Variants in EDARADD observed in about 807,000 individuals in gnomAD.
EDARADD encodes the protein EDAR associated via death domain, also known as ectodysplasin-A receptor-associated adapter protein.
A neutral mutation model predicts 25.6 loss-of-function variants in EDARADD; 20 were observed. The observed-to-expected ratio is 0.78, with a 90% CI of 0.55 to 1.14. The LOEUF (loss-of-function observed/expected upper bound fraction) is 1.14, where lower values mean the gene tolerates loss of function less well. Ranked by LOEUF, EDARADD falls within the 50% of genes most tolerant of loss-of-function variation. The pLI is 0.00. For missense variants in EDARADD, 225 were observed against 270.1 expected (o/e 0.83, Z 1.17); for synonymous variants, 86 against 94.4 (o/e 0.91, Z 0.52).
At chr1:236,464,576 G>A (rs1659137155) in intron 4 of EDARADD, among the ~76,000 whole-genome samples, 1 of 151,698 alleles carries the variant, frequency 6.6e-6, no homozygotes, top group South Asian at 2.1e-4. Context: ...AGGAACACAG[G>A]CGCTCACCAC....
rs1571964298 is a variant in EDARADD at position 236,483,299 on chromosome 1, G to A, written c.*650G>A. 6.2e-7 allele frequency: 1 copy of A among 1,600,116 alleles called. No homozygotes were observed. The highest frequency in any genetic ancestry group is 8.5e-7 in the Non-Finnish European group (1 of 1,169,904). On this transcript the variant is annotated 3_prime_UTR_variant, in exon 6 of 6. Coordinates refer to ENST00000334232, the MANE Select transcript of EDARADD (RefSeq NM_145861.4). ...GTGGTGCTTCAACTGGTATCTATGAGGTCCTAGAGCTCCAGGACAATGATA... is the reference window on the plus strand; with the variant it reads ...GTGGTGCTTCAACTGGTATCTATGAAGTCCTAGAGCTCCAGGACAATGATA...
At position 236,484,730 on chromosome 1, in the gene EDARADD, A is replaced by C; in HGVS notation, c.*2081A>C. The C allele has an allele frequency of 1.0e-5, 3 of 289,546 alleles. No homozygotes were observed. The highest frequency in any genetic ancestry group is 4.3e-5 in the South Asian group (1 of 23,442). 17.9% of individuals were successfully genotyped at this position (289,546 alleles called of 1,614,324 possible). A position where few individuals can be genotyped will look rare whatever the true frequency, so the allele number is the denominator to read the frequency against. ...CCAGAAAAAAAAAAAAAAAAAAAGA[A>C]CTTCTACAGAAGCCAAGCTCCCTGG... On this transcript the variant is annotated 3_prime_UTR_variant, in exon 6 of 6. Coordinates refer to ENST00000334232, the MANE Select transcript of EDARADD (RefSeq NM_145861.4). This position sits in a 1 kb window ranked among gnomAD's most constrained non-coding sequence, Gnocchi z 4.1.
intron 4 of EDARADD, among the ~76,000 whole-genome samples, chr1:236,452,500 C>CT (rs545570419): frequency 0.18 from 26,070 of 148,564 alleles, 2,388 homozygotes; most frequent in South Asian, 0.24. Context: ...GGCCGATCCC[C>CT]CCTCTCTCTC....
At position 236,355,500 on chromosome 1, in the gene EDARADD, C is replaced by CTTTTT. The variant is rs563976436; in HGVS notation, c.-6+4683_-6+4687dup. 8.3e-3 allele frequency among the ~76,000 whole-genome samples: 607 copies of CTTTTT among 73,182 alleles called. 35 individuals are homozygous for CTTTTT. Among genetic ancestry groups the CTTTTT allele is most frequent in the East Asian group, 0.017 (31 of 1,796 alleles). 48.0% of individuals were successfully genotyped at this position (73,182 alleles called of 152,430 possible). ...CACTCATTCTCTTCTGCTTCTTCTT[C>CTTTTT]TTTTTTTTTTTTTTTTTTTTTTTTT... On this transcript the variant is annotated intron_variant, in intron 3 of 7. Transcript: ENST00000439430.
In EDARADD at chr1:236,483,436, A is replaced by G; in HGVS notation, c.*787A>G. On this transcript the variant is annotated 3_prime_UTR_variant, in exon 6 of 6. Coordinates refer to ENST00000334232, the MANE Select transcript of EDARADD (RefSeq NM_145861.4). Reference sequence around the variant, plus strand: ...AACGTCACAGAACAAGAGAAGATTGACAAACTTATGATAGAGATGGATGGA... The same window carrying G: ...AACGTCACAGAACAAGAGAAGATTGGCAAACTTATGATAGAGATGGATGGA... The G allele has an allele frequency of 1.8e-6, 2 of 1,109,010 alleles. No individual in the cohort carries two copies. The highest frequency in any genetic ancestry group is 1.2e-5 in the South Asian group (1 of 81,000). 68.7% of individuals were successfully genotyped at this position (1,109,010 alleles called of 1,614,324 possible).
chr1:236,411,099 C>G (rs1272041435), intron 2 of EDARADD, among the ~76,000 whole-genome samples: 2 of 152,120 alleles, frequency 1.3e-5, no homozygotes, highest in African/African-American at 4.8e-5. Context: ...TTCCTGATAC[C>G]AGGTTTTCTT....
chr1:236,417,636 T>A (rs1454618281), intron 3 of EDARADD, among the ~76,000 whole-genome samples: 1 of 152,172 alleles, frequency 6.6e-6, no homozygotes, highest in East Asian at 1.9e-4. Context: ...CTGCGGGTAC[T>A]AAGAACTGGT....
chr1:236,454,401 C>T (rs1172392271), intron 4 of EDARADD, among the ~76,000 whole-genome samples: 1 of 152,162 alleles, frequency 6.6e-6, no homozygotes, highest in Non-Finnish European at 1.5e-5. Context: ...CCCTCACACA[C>T]CGCCTGCACC....
chr1:236,427,083 T>C (rs917159502), intron 3 of EDARADD, among the ~76,000 whole-genome samples: 1 of 152,170 alleles, frequency 6.6e-6, no homozygotes, highest in African/African-American at 2.4e-5. Context: ...GGTTTCTCCA[T>C]GTTGGTCAGG....
intron 3 of EDARADD, among the ~76,000 whole-genome samples, chr1:236,367,037 T>C (rs1558101853): frequency 7.0e-6 from 1 of 142,670 alleles, no homozygotes; most frequent in Non-Finnish European, 1.5e-5. Flanking sequence ...TGAGCCGAGA[T>C]TGTACCACTG....
chr1:236,456,037 C>A (rs1482392839), intron 4 of EDARADD, among the ~76,000 whole-genome samples: 2 of 152,164 alleles, frequency 1.3e-5, no homozygotes, highest in Non-Finnish European at 2.9e-5. Context: ...AATCCGCCCG[C>A]CTCGGCCTCC....
At chr1:236,409,296 A>G (rs757277070) in intron 2 of EDARADD, 22 bp downstream of exon 2, 1 of 1,574,196 alleles carries the variant, frequency 6.4e-7, no homozygotes, top group Admixed American at 1.7e-5. Context: ...ATTTTACACT[A>G]ATGGTGATAA....
Position 236,484,326 on chromosome 1 carries a change from C to A in EDARADD, c.*1677C>A. 1.6e-6 allele frequency: 2 copies of A among 1,251,918 alleles called. No individual in the cohort carries two copies. The highest frequency in any genetic ancestry group is 2.4e-6 in the Non-Finnish European group (2 of 850,726). 77.6% of individuals were successfully genotyped at this position (1,251,918 alleles called of 1,614,324 possible). A position where few individuals can be genotyped will look rare whatever the true frequency, so the allele number is the denominator to read the frequency against. ...CTTCATCACTGACCTGGTGGTGGGG[C>A]TGTGACCTGGGCAGCTCAAGACTGG... On this transcript the variant is annotated 3_prime_UTR_variant, in exon 6 of 6. Coordinates refer to ENST00000334232, the MANE Select transcript of EDARADD (RefSeq NM_145861.4). This position sits in a 1 kb window ranked among gnomAD's most constrained non-coding sequence, Gnocchi z 4.1.
chr1:236,463,114 T>C (rs1342238016), intron 4 of EDARADD, among the ~76,000 whole-genome samples: 1 of 152,202 alleles, frequency 6.6e-6, no homozygotes. Flanking sequence ...TTTTTCCATC[T>C]CTCCTGTTTC....
chr1:236,405,726 TTTCTTTCTTTCTTTC>T (rs1667697216), intron 1 of EDARADD, among the ~76,000 whole-genome samples: 1 of 16,696 alleles, frequency 6.0e-5, no homozygotes, highest in East Asian at 1.5e-3. Flanking sequence ...TTCCTTTCTT[TTTCTTTCTTTCTTTC>T]TTTCTTTCTT....
At chr1:236,348,573 T>G (rs1666878604) in intron 1 of EDARADD, among the ~76,000 whole-genome samples, 1 of 152,234 alleles carries the variant, frequency 6.6e-6, no homozygotes, top group South Asian at 2.1e-4. Context: ...AAGATAGGCC[T>G]GGACTTTTGC....
chr1:236,476,987 G>GTC (rs1283127840), intron 5 of EDARADD, among the ~76,000 whole-genome samples: 2 of 149,520 alleles, frequency 1.3e-5, no homozygotes. Context: ...GCAAGACCCT[G>GTC]TCTCAAAAAT....
chr1:236,419,549 CT>C (rs2103012946), intron 3 of EDARADD, among the ~76,000 whole-genome samples: 1 of 152,300 alleles, frequency 6.6e-6, no homozygotes, highest in East Asian at 1.9e-4. Flanking sequence ...ACGAATGACA[CT>C]TCAGTGTGCA....
chr1:236,424,450 A>C (rs927708576), intron 3 of EDARADD, among the ~76,000 whole-genome samples: 19 of 152,090 alleles, frequency 1.2e-4, no homozygotes, highest in African/African-American at 4.6e-4. Flanking sequence ...GGTGTGAGCC[A>C]CCACACCCAA....
Sources: gnomAD v4.1 joint callset for allele counts (sites outside exome capture counted in the v4.1 genomes callset) on GRCh38, gnomAD v4.1.1 for gene constraint, Gnocchi (gnomAD v3.1) non-coding constraint, MANE v1.5 for transcripts, NCBI Gene and HGNC (gene_info 2026-07-23, HGNC 2026-07-21) for gene names.